Variants in RETREG1 observed in about 807,000 individuals in gnomAD.
RETREG1 encodes the protein family with sequence similarity 134 member B.
RETREG1 carries 44 observed loss-of-function variants against 54.8 expected under a neutral mutation model. The ratio of observed to expected loss-of-function variants is 0.80; its 90% CI spans 0.63 to 1.03. RETREG1 has a LOEUF of 1.03. Among genes scored for constraint, RETREG1 ranks in the 50% least tolerant of loss-of-function variants. The pLI, the probability that RETREG1 is intolerant of heterozygous loss-of-function variation, is 0.00. For missense variants in RETREG1, 554 were observed against 605.1 expected (o/e 0.92, Z 0.89); for synonymous variants, 217 against 238.5 (o/e 0.91, Z 0.83).
chr5:16,540,920 G>C (rs1379645101), intron 3 of RETREG1, among the ~76,000 whole-genome samples: 4 of 152,188 alleles, frequency 2.6e-5, no homozygotes, highest in Non-Finnish European at 5.9e-5. Flanking sequence ...TTCAGGCCAA[G>C]TAGACGGGGA....
chr5:16,541,023 T>C (rs554531110), intron 3 of RETREG1, among the ~76,000 whole-genome samples: 2 of 152,298 alleles, frequency 1.3e-5, no homozygotes, highest in African/African-American at 4.8e-5. Flanking sequence ...AATCCCACCT[T>C]GGTCGCTGCA....
intron 1 of RETREG1, chr5:16,616,303 A>G (rs1356460841): frequency 7.7e-6 from 2 of 261,216 alleles, no homozygotes; most frequent in African/African-American, 4.5e-5. Flanking sequence ...TTGCTCCGGC[A>G]AGCTTGGGCG....
intron 3 of RETREG1, among the ~76,000 whole-genome samples, chr5:16,522,324 T>G (rs1373537809): frequency 2.0e-5 from 3 of 152,210 alleles, no homozygotes; most frequent in Non-Finnish European, 4.4e-5. Context: ...CCTCAGTCGC[T>G]GTCTGGAGAT....
Position 16,593,991 on chromosome 5 carries a change from G to A in RETREG1, c.321-21889C>T, listed in dbSNP as rs1435208730. On this transcript the variant is annotated intron_variant, in intron 1 of 8. Coordinates refer to ENST00000306320, the MANE Select transcript of RETREG1 (RefSeq NM_001034850.3). The surrounding 1 kb of genome is among the most constrained non-coding windows in gnomAD (Gnocchi z 4.9). The stretch of plus-strand genomic sequence containing the variant: ...AGATCATCACTGACATTCTGGGGAT[G>A]GTAGCCCATGATTGGTTCTTTGGCC... Among the ~76,000 whole-genome samples, 1 of 152,228 alleles carries A rather than the reference G, an allele frequency of 6.6e-6. No individual in the cohort carries two copies. Among genetic ancestry groups the A allele is most frequent in the Non-Finnish European group, 1.5e-5 (1 of 68,038 alleles).
intron 3 of RETREG1, among the ~76,000 whole-genome samples, chr5:16,498,944 T>C (rs1739584277): frequency 6.6e-6 from 1 of 152,174 alleles, no homozygotes; most frequent in Non-Finnish European, 1.5e-5. Flanking sequence ...CTTAATAAAC[T>C]TTTCCATTTT....
At position 16,564,623 on chromosome 5, in the gene RETREG1, C is replaced by T. The variant is rs138959642; in HGVS notation, c.458+1140G>A. Among the ~76,000 whole-genome samples, 3 of 152,314 alleles carry T rather than the reference C, an allele frequency of 2.0e-5. No individual in the cohort carries two copies. In the East Asian group the frequency reaches 5.8e-4, roughly 29 times the overall value. On this transcript the variant is annotated intron_variant, in intron 3 of 8. Transcript: ENST00000306320. The stretch of plus-strand genomic sequence containing the variant: ...AGGGCAAGACAAATGCCTACCAGAG[C>T]CTATGCCAGCTCTTCCCTGGGGCCA...
At chr5:16,588,433 G>C (rs1742674533) in intron 1 of RETREG1, among the ~76,000 whole-genome samples, 1 of 152,168 alleles carries the variant, frequency 6.6e-6, no homozygotes, top group Non-Finnish European at 1.5e-5. Flanking sequence ...CACCTTTTCA[G>C]GTGTGCTGAG....
Position 16,506,469 on chromosome 5 carries a change from G to T in RETREG1, c.459-22997C>A, listed in dbSNP as rs972970073. ...ATTCCTGTTCCATTGCAATCTTTTT[G>T]TTTTTTTGTTTTTTTTTTTTTTGAG... On this transcript the variant is annotated intron_variant, in intron 3 of 8. Coordinates refer to ENST00000306320, the MANE Select transcript of RETREG1 (RefSeq NM_001034850.3). 2.4e-4 allele frequency among the ~76,000 whole-genome samples: 26 copies of T among 107,582 alleles called. 1 individual carries two copies. Among genetic ancestry groups the T allele is most frequent in the Middle Eastern group, 5.0e-3 (1 of 202 alleles). The allele number at this position is 107,582 out of a possible 152,430, so 70.6% of individuals were successfully genotyped here. A position where few individuals can be genotyped will look rare whatever the true frequency, so the allele number is the denominator to read the frequency against.
At chr5:16,503,779 G>A (rs1739828864) in intron 3 of RETREG1, among the ~76,000 whole-genome samples, 1 of 152,124 alleles carries the variant, frequency 6.6e-6, no homozygotes, top group Non-Finnish European at 1.5e-5. Context: ...CCACAGCACA[G>A]TTAGAATTAA....
At chr5:16,505,610 C>T (rs117415878) in intron 3 of RETREG1, among the ~76,000 whole-genome samples, 7 of 152,272 alleles carry the variant, frequency 4.6e-5, no homozygotes, top group East Asian at 1.9e-4. Context: ...TGAAGAGCTC[C>T]GTCTTGGTGC....
At chr5:16,601,530 G>C (rs528034116) in intron 1 of RETREG1, among the ~76,000 whole-genome samples, 1 of 152,004 alleles carries the variant, frequency 6.6e-6, no homozygotes, top group African/African-American at 2.4e-5. Context: ...CCAAGTAGCT[G>C]GGATTACAGG....
intron 1 of RETREG1, among the ~76,000 whole-genome samples, chr5:16,615,290 C>T (rs1157392279): frequency 6.6e-6 from 1 of 150,756 alleles, no homozygotes; most frequent in Non-Finnish European, 1.5e-5. Context: ...GTCCCAGCTA[C>T]TCGGGAGGCT....
chr5:16,558,139 A>G lies in RETREG1; in HGVS notation c.458+7624T>C, dbSNP rs186482695. Reference sequence around the variant, plus strand: ...GCTGAGTGTGATGGTGCATGACTGTAGTCTCATCTTCTCAGGGAACTGAGG... The same window carrying G: ...GCTGAGTGTGATGGTGCATGACTGTGGTCTCATCTTCTCAGGGAACTGAGG... On this transcript the variant is annotated intron_variant, in intron 3 of 8. Transcript: ENST00000306320. Among the ~76,000 whole-genome samples, 568 of 152,352 alleles carry G rather than the reference A, an allele frequency of 3.7e-3. 5 individuals carry two copies. The highest frequency in any genetic ancestry group is 3.6e-3 in the Non-Finnish European group (247 of 68,036).
At chr5:16,582,447 CT>C (rs1742514551) in intron 1 of RETREG1, among the ~76,000 whole-genome samples, 1 of 149,858 alleles carries the variant, frequency 6.7e-6, no homozygotes, top group Non-Finnish European at 1.5e-5. Context: ...GAATTTTAAT[CT>C]GGTTTTCAAG....
Position 16,561,978 on chromosome 5 carries a change from C to T in RETREG1, c.458+3785G>A, listed in dbSNP as rs990568781. 2.6e-5 allele frequency among the ~76,000 whole-genome samples: 4 copies of T among 152,156 alleles called. No individual in the cohort carries two copies. The highest frequency in any genetic ancestry group is 9.7e-5 in the African/African-American group (4 of 41,430). On this transcript the variant is annotated intron_variant, in intron 3 of 8. Transcript: ENST00000306320. The surrounding 1 kb of genome is among the most constrained non-coding windows in gnomAD (Gnocchi z 4.2). ...CCCCAACCACAGTTAGAGAGAAAGC[C>T]TCGATTTCCTTGCCTGACAAATGAG...
intron 1 of RETREG1, among the ~76,000 whole-genome samples, chr5:16,615,548 G>A (rs150896650): frequency 4.0e-5 from 6 of 151,866 alleles, no homozygotes; most frequent in Non-Finnish European, 8.8e-5. Flanking sequence ...TTGAGTGCTC[G>A]CATTCACTCC....
chr5:16,543,232 C>T (rs1741295958), intron 3 of RETREG1, among the ~76,000 whole-genome samples: 1 of 152,214 alleles, frequency 6.6e-6, no homozygotes, highest in African/African-American at 2.4e-5. Flanking sequence ...TATTTATGCA[C>T]TCACCTCTGC....
chr5:16,508,755 TG>T (rs1740066376), intron 3 of RETREG1: 1 of 1,509,744 alleles, frequency 6.6e-7, no homozygotes, highest in South Asian at 1.3e-5. Context: ...CTTTCCTTTT[TG>T]GAAAAAAAGT....
At chr5:16,537,641 T>C (rs944158311) in intron 3 of RETREG1, among the ~76,000 whole-genome samples, 1 of 152,142 alleles carries the variant, frequency 6.6e-6, no homozygotes, top group African/African-American at 2.4e-5. Context: ...GAAGTTGCAG[T>C]AAGCCTAGTT....
Sources: gnomAD v4.1 joint callset for allele counts (sites outside exome capture counted in the v4.1 genomes callset) on GRCh38, gnomAD v4.1.1 for gene constraint, Gnocchi (gnomAD v3.1) non-coding constraint, MANE v1.5 for transcripts, NCBI Gene and HGNC (gene_info 2026-07-23, HGNC 2026-07-21) for gene names.